The following DISP3 variants were observed in gnomAD, a reference collection of about 807,000 sequenced individuals.
DISP3 encodes protein dispatched homolog 3.
DISP3 carries 101 observed loss-of-function variants against 135.3 expected under a neutral mutation model. The ratio of observed to expected loss-of-function variants is 0.75; its 90% CI spans 0.64 to 0.88. The LOEUF (loss-of-function observed/expected upper bound fraction) is 0.88, where lower values mean the gene tolerates loss of function less well. Among genes scored for constraint, DISP3 ranks in the 40% least tolerant of loss-of-function variants. The pLI is 0.00. For missense variants in DISP3, 1,713 were observed against 1,878.6 expected, an observed-to-expected ratio of 0.91 and a Z score of 1.63; for synonymous variants, 856 against 817.0, an observed-to-expected ratio of 1.05 and a Z score of -0.81.
chr1:11,520,753 C>A lies in DISP3; in HGVS notation c.2267C>A (p.Ala756Asp). ...FASRLRPASR[A>D]PLLFRPDTNI... is the part of the protein sequence containing the mutation. ...AGCCGGCTCCGCCCCGCCAGCCGGG[C>A]CCCGCTACTCTTCCGGCCTGATACC... Residue 756 changes from alanine (A) to aspartate (D), a missense_variant, in exon 10 of 21, where the codon GCC (alanine) becomes GAC (aspartate). By Grantham distance (126) the Ala-to-Asp change is moderately radical (BLOSUM62 -2). Transcript: ENST00000294484. This position sits in a 1 kb window ranked among gnomAD's most constrained non-coding sequence, Gnocchi z 4.8. 11 of 1,613,562 alleles carry A rather than the reference C, an allele frequency of 6.8e-6. No individual in the cohort carries two copies. Among genetic ancestry groups the A allele is most frequent in the Non-Finnish European group, 9.3e-6 (11 of 1,179,998 alleles).
rs1041648871 is a variant in DISP3, at chr1:11,491,470, G to T, written c.-3-9520G>T. ...AAAAACAAAAAACAAAAACAGCCAG[G>T]TGTGGTGGCATGCACCTGTAGTCTC... On this transcript the variant is annotated intron_variant, in intron 1 of 20. Transcript: ENST00000294484. The surrounding 1 kb of genome is among the most constrained non-coding windows in gnomAD (Gnocchi z 4.3). 6.6e-6 allele frequency among the ~76,000 whole-genome samples: 1 copy of T among 152,104 alleles called. No individual in the cohort carries two copies. Among genetic ancestry groups the T allele is most frequent in the African/African-American group, 2.4e-5 (1 of 41,416 alleles).
At chr1:11,522,904 G>GCCCAGCCAGGACCCAGCAAGGA (rs1642281496) in intron 10 of DISP3, among the ~76,000 whole-genome samples, 2 of 24,008 alleles carry the variant, frequency 8.3e-5, no homozygotes, top group African/African-American at 3.6e-4. Flanking sequence ...CCCAGCCAGA[G>GCCCAGCCAGGACCCAGCAAGGA]CCCAGCCAGG....
chr1:11,488,489 G>A (rs1439303435), intron 1 of DISP3, among the ~76,000 whole-genome samples: 3 of 152,192 alleles, frequency 2.0e-5, no homozygotes, highest in Non-Finnish European at 4.4e-5. Context: ...ACCTGGGTGG[G>A]CACCGAAGGT....
At chr1:11,522,025 A>G (rs1041404417) in intron 10 of DISP3, among the ~76,000 whole-genome samples, 1 of 152,088 alleles carries the variant, frequency 6.6e-6, no homozygotes, top group Non-Finnish European at 1.5e-5. Flanking sequence ...GGTGGAGTCA[A>G]GAGGTTTTTA....
chr1:11,527,674 C>A (rs1642463893), intron 13 of DISP3, among the ~76,000 whole-genome samples: 1 of 152,212 alleles, frequency 6.6e-6, no homozygotes, highest in Non-Finnish European at 1.5e-5. Flanking sequence ...TGCTCCCCAC[C>A]TTGATAGCTC....
In DISP3 at chr1:11,516,148, A is replaced by C. The variant is rs2100455460; in HGVS notation, c.1736A>C (p.Asn579Thr). Reference protein sequence around the residue: ...SLTTAAAYAANVFSQIPAVHD... With the variant: ...SLTTAAAYAATVFSQIPAVHD... ...ACCACAGCCGCCGCCTACGCAGCTA[A>C]CGTCTTCTCCCAGGTGCGGACCTGT... is the stretch of plus-strand genomic sequence containing the variant. Residue 579 changes from asparagine to threonine, a missense_variant, in exon 6 of 21, where the codon AAC becomes ACC. Asn to Thr is a moderately conservative substitution (Grantham distance 65). Around this residue, in one of 2 missense-constraint regions of DISP3, gnomAD observed 1,142 missense variants for 1,384.6 expected, o/e 0.82. Transcript: ENST00000294484. This position sits in a 1 kb window ranked among gnomAD's most constrained non-coding sequence, Gnocchi z 5.1. The C allele has an allele frequency of 6.2e-7, 1 of 1,613,970 alleles. No individual in the cohort carries two copies. Among genetic ancestry groups the C allele is most frequent in the South Asian group, 1.1e-5 (1 of 91,062 alleles).
chr1:11,528,636 C>T (rs1642492470), intron 13 of DISP3, among the ~76,000 whole-genome samples: 1 of 152,302 alleles, frequency 6.6e-6, no homozygotes, highest in East Asian at 1.9e-4. Context: ...TGGTACAAGG[C>T]CATGCTCGGT....
chr1:11,513,071 A>G (rs1328834508), intron 3 of DISP3, among the ~76,000 whole-genome samples: 3 of 152,196 alleles, frequency 2.0e-5, no homozygotes, highest in South Asian at 4.2e-4. Context: ...GATACAAGTC[A>G]AGTTGAGATT....
At position 11,533,906 on chromosome 1, in the gene DISP3, G is replaced by C; in HGVS notation, c.3376-475G>C. The C allele has an allele frequency of 7.0e-6, 5 of 714,762 alleles. No individual in the cohort carries two copies. In the South Asian group the frequency reaches 7.4e-5, roughly 11 times the overall value. 44.3% of individuals were successfully genotyped at this position (714,762 alleles called of 1,614,324 possible). On this transcript the variant is annotated intron_variant, in intron 17 of 20. Transcript: ENST00000294484. ...ACTGTGGGCCAGCCAGGCTGCTCCT[G>C]CCCTTGCAATTCACAGTCCCACCTG...
chr1:11,516,481 A>G lies in DISP3; in HGVS notation c.1749+320A>G, dbSNP rs1473689069. Among the ~76,000 whole-genome samples, 3 of 152,210 alleles carry G rather than the reference A, an allele frequency of 2.0e-5. No homozygotes were observed. Among genetic ancestry groups the G allele is most frequent in the Non-Finnish European group, 4.4e-5 (3 of 68,038 alleles). On this transcript the variant is annotated intron_variant, in intron 6 of 20. Coordinates refer to ENST00000294484, the MANE Select transcript of DISP3 (RefSeq NM_020780.2). The surrounding 1 kb of genome is among the most constrained non-coding windows in gnomAD (Gnocchi z 5.1). ...TACCACGGTAATTGACAAAGGTACA[A>G]TTACCATCCTATTTTCCAAAAAAGA...
chr1:11,495,811 C>T (rs1352566642), intron 1 of DISP3, among the ~76,000 whole-genome samples: 1 of 152,206 alleles, frequency 6.6e-6, no homozygotes. Flanking sequence ...TGGGCGCTGT[C>T]CTGCTACAAC....
chr1:11,492,492 T>C (rs1396967023), intron 1 of DISP3, among the ~76,000 whole-genome samples: 1 of 152,208 alleles, frequency 6.6e-6, no homozygotes, highest in Non-Finnish European at 1.5e-5. Flanking sequence ...CTGTGCAGCC[T>C]GACCTTCTCT....
At position 11,501,943 on chromosome 1, in the gene DISP3, G is replaced by GC; in HGVS notation, c.955dup (p.His319ProfsTer37). 1 of 1,613,808 alleles carries GC rather than the reference G, an allele frequency of 6.2e-7. No individual in the cohort carries two copies. The highest frequency in any genetic ancestry group is 8.5e-7 in the Non-Finnish European group (1 of 1,179,924). ...CAGGCTTCCGGGAGTTCTGCTGGAA[G>GC]CCCCACGAGGTGCTCAAGGATCTGC... On this transcript the variant is annotated frameshift_variant, in exon 2 of 21. Transcript: ENST00000294484. LOFTEE classifies it high-confidence loss of function. This position sits in a 1 kb window ranked among gnomAD's most constrained non-coding sequence, Gnocchi z 4.9.
intron 13 of DISP3, among the ~76,000 whole-genome samples, chr1:11,528,684 A>G (rs1160425910): frequency 1.1e-4 from 16 of 152,198 alleles, no homozygotes; most frequent in Admixed American, 1.0e-3. Flanking sequence ...GAACTCGGTG[A>G]TACGCGGGGA....
chr1:11,508,180 G>C (rs1159791760), intron 3 of DISP3, among the ~76,000 whole-genome samples: 1 of 152,152 alleles, frequency 6.6e-6, no homozygotes, highest in Non-Finnish European at 1.5e-5. Flanking sequence ...CCAGCTACTT[G>C]GAAGGCTGAG....
chr1:11,528,040 C>T (rs1057303786), intron 13 of DISP3, among the ~76,000 whole-genome samples: 13 of 152,210 alleles, frequency 8.5e-5, no homozygotes, highest in Admixed American at 7.9e-4. Context: ...GCACCTGTCA[C>T]GGGTGTCTGG....
In DISP3 at chr1:11,530,931, T is replaced by C; in HGVS notation, c.3127T>C (p.Phe1043Leu). Residue 1043 changes from phenylalanine (F) to leucine (L), a missense_variant, in exon 16 of 21, where the codon TTT (phenylalanine) becomes CTT (leucine). Phe to Leu is a conservative substitution (Grantham distance 22). This residue lies in a region of DISP3 where 1,142 missense variants were observed against 1,384.6 expected (regional missense o/e 0.82). Coordinates refer to ENST00000294484, the MANE Select transcript of DISP3 (RefSeq NM_020780.2). ...DPGSVVYDSS[F>L]DLFKEIGHLC... Reference sequence around the variant, plus strand: ...GGGTAGTGTTGTCTACGACAGCAGCTTTGACCTCTTCAAGGAAATTGGGCA... The same window carrying C: ...GGGTAGTGTTGTCTACGACAGCAGCCTTGACCTCTTCAAGGAAATTGGGCA... The C allele has an allele frequency of 6.2e-7, 1 of 1,614,030 alleles. No individual in the cohort carries two copies. Among genetic ancestry groups the C allele is most frequent in the Non-Finnish European group, 8.5e-7 (1 of 1,179,974 alleles).
At chr1:11,525,503 A>G (rs542501359) in intron 12 of DISP3, among the ~76,000 whole-genome samples, 191 bp downstream of exon 12, 1 of 152,348 alleles carries the variant, frequency 6.6e-6, no homozygotes, top group East Asian at 1.9e-4. Flanking sequence ...CTTCTGAGTC[A>G]GCCAGGCCTG....
Position 11,515,200 on chromosome 1 carries a change from T to G in DISP3, c.1454-169T>G, listed in dbSNP as rs115053402. Among the ~76,000 whole-genome samples the G allele has an allele frequency of 2.5e-3, 382 of 152,332 alleles. 2 individuals are homozygous for G. Among genetic ancestry groups the G allele is most frequent in the African/African-American group, 8.0e-3 (331 of 41,566 alleles). On this transcript the variant is annotated intron_variant, in intron 4 of 20. Coordinates refer to ENST00000294484, the MANE Select transcript of DISP3 (RefSeq NM_020780.2). ...TGGGCCTCCTGCCCGGTGCCCTTTTTGGGTGTGGAAAACAGAATTGGCCCT... is the reference window on the plus strand; with the variant it reads ...TGGGCCTCCTGCCCGGTGCCCTTTTGGGGTGTGGAAAACAGAATTGGCCCT...
Sources: allele counts gnomAD v4.1 joint callset (sites outside exome capture counted in the v4.1 genomes callset), GRCh38; gene constraint gnomAD v4.1.1; regional missense constraint gnomAD v4.1.1; non-coding constraint Gnocchi (gnomAD v3.1); transcripts MANE v1.5; gene names NCBI Gene and HGNC (gene_info 2026-07-23, HGNC 2026-07-21).